The following SLC39A9 variants were observed in gnomAD, a reference collection of about 807,000 sequenced individuals.
SLC39A9 encodes solute carrier family 39 member 9.
A neutral mutation model predicts 28.4 loss-of-function variants in SLC39A9; 14 were observed. That is an observed-to-expected ratio of 0.49 (90% CI 0.33 to 0.77). The LOEUF (loss-of-function observed/expected upper bound fraction) is 0.77, where lower values mean the gene tolerates loss of function less well. Ranked by LOEUF, SLC39A9 falls within the 30% of genes least tolerant of loss-of-function variation. The pLI is 0.02. For synonymous variants in SLC39A9, 119 were observed against 149.6 expected, an observed-to-expected ratio of 0.80 and a Z score of 1.49; for missense variants, 283 against 381.1, an observed-to-expected ratio of 0.74 and a Z score of 2.14.
chr14:69,442,035 A>C (rs1012690035), intron 2 of SLC39A9, 34 bp from the exon 3 acceptor site: 2 of 1,593,286 alleles, frequency 1.3e-6, no homozygotes, highest in African/African-American at 2.7e-5. Flanking sequence ...TAGGGGAAAA[A>C]CATATTTTCT....
intron 1 of SLC39A9, among the ~76,000 whole-genome samples, chr14:69,403,879 A>G (rs764769698): frequency 3.9e-5 from 6 of 152,158 alleles, no homozygotes; most frequent in Non-Finnish European, 8.8e-5. Context: ...CCCTGTGTCT[A>G]CTGAAAATAC....
rs1351441340 is a variant in SLC39A9 at position 69,424,272 on chromosome 14, G to A, written c.205+70G>A. On this transcript the variant is annotated intron_variant, in intron 2 of 6. Transcript: ENST00000336643. ...AGGGTTAGCAGGATGAAGCTTAGTG[G>A]TATGTTTTCTGAGCACAGTTCATGT... 2.6e-6 allele frequency: 3 copies of A among 1,168,682 alleles called. No homozygotes were observed. In the African/African-American group the frequency reaches 4.5e-5, roughly 18 times the overall value. The allele number at this position is 1,168,682 out of a possible 1,614,324, so 72.4% of individuals were successfully genotyped here. A position where few individuals can be genotyped will look rare whatever the true frequency, so the allele number is the denominator to read the frequency against.
intron 6 of SLC39A9, 23 bp from the exon 7 acceptor site, chr14:69,458,339 CT>C (rs1885963424): frequency 1.2e-6 from 2 of 1,608,534 alleles, no homozygotes; most frequent in African/African-American, 2.7e-5. Flanking sequence ...TTAGTTTTTC[CT>C]CTTTCTCTCT....
chr14:69,453,613 A>G (rs1268785697), intron 4 of SLC39A9, among the ~76,000 whole-genome samples: 1 of 152,206 alleles, frequency 6.6e-6, no homozygotes, highest in Non-Finnish European at 1.5e-5. Context: ...AGCCTTGCCC[A>G]TGTATTTATG....
chr14:69,446,233 T>G (rs1018585856), intron 3 of SLC39A9, among the ~76,000 whole-genome samples: 5 of 151,452 alleles, frequency 3.3e-5, no homozygotes, highest in Non-Finnish European at 7.4e-5. Context: ...AGTATTGGAC[T>G]CGGGATTTCT....
chr14:69,444,830 G>T (rs1036809135), intron 3 of SLC39A9, among the ~76,000 whole-genome samples: 1 of 152,094 alleles, frequency 6.6e-6, no homozygotes, highest in South Asian at 2.1e-4. Flanking sequence ...CAGGCAGAGC[G>T]CAGTGGCTCA....
intron 1 of SLC39A9, among the ~76,000 whole-genome samples, chr14:69,410,649 G>A (rs1448804314): frequency 6.6e-6 from 1 of 152,222 alleles, no homozygotes; most frequent in Non-Finnish European, 1.5e-5. Flanking sequence ...AGCAGATAAT[G>A]TAGTGGCTAA....
At position 69,402,834 on chromosome 14, in the gene SLC39A9, C is replaced by T. The variant is rs553241086; in HGVS notation, c.96+3369C>T. ...AAGTGGCTCACGCCTGTAATCCCAG[C>T]ACTTTGGGAGGCTGAGGTGGGCGGA... On this transcript the variant is annotated intron_variant, in intron 1 of 6. Coordinates refer to ENST00000336643, the MANE Select transcript of SLC39A9 (RefSeq NM_018375.5). 3.3e-5 allele frequency among the ~76,000 whole-genome samples: 5 copies of T among 152,300 alleles called. No individual in the cohort carries two copies. In the South Asian group the frequency reaches 1.0e-3, roughly 32 times the overall value.
intron 4 of SLC39A9, 38 bp downstream of exon 4, chr14:69,453,347 T>C (rs1885705345): frequency 6.3e-7 from 1 of 1,579,584 alleles, no homozygotes; most frequent in Non-Finnish European, 8.7e-7. Flanking sequence ...TTGTTTTCTA[T>C]CGCACAGGGG....
At chr14:69,407,959 T>C (rs1032654195) in intron 1 of SLC39A9, among the ~76,000 whole-genome samples, 1 of 152,096 alleles carries the variant, frequency 6.6e-6, no homozygotes, top group East Asian at 1.9e-4. Context: ...GGTTCTCTCT[T>C]AGTCAATTCC....
chr14:69,417,441 G>A (rs1277293243), intron 1 of SLC39A9, among the ~76,000 whole-genome samples: 1 of 152,204 alleles, frequency 6.6e-6, no homozygotes, highest in Non-Finnish European at 1.5e-5. Context: ...GCTTAGGATT[G>A]TCTTGGCAAT....
At chr14:69,440,481 G>C (rs1320644781) in intron 2 of SLC39A9, among the ~76,000 whole-genome samples, 4 of 151,962 alleles carry the variant, frequency 2.6e-5, no homozygotes, top group African/African-American at 9.7e-5. Context: ...GATTCTTGGG[G>C]GACTGAGGTA....
At chr14:69,418,376 ATT>A (rs1305155596) in intron 1 of SLC39A9, among the ~76,000 whole-genome samples, 1 of 151,590 alleles carries the variant, frequency 6.6e-6, no homozygotes, top group Non-Finnish European at 1.5e-5. Context: ...CATCCTCAGT[ATT>A]TTACTGAGGA....
rs1886050831 is a variant in SLC39A9, at chr14:69,460,129, A to G, written c.*1536A>G. ...TATTATTAATTTATTTTTACTTTCTATACCATTTCAAAACACATTACACTA... is the reference window on the plus strand; with the variant it reads ...TATTATTAATTTATTTTTACTTTCTGTACCATTTCAAAACACATTACACTA... On this transcript the variant is annotated 3_prime_UTR_variant, in exon 7 of 7. Coordinates refer to ENST00000336643, the MANE Select transcript of SLC39A9 (RefSeq NM_018375.5). 1.0e-6 allele frequency: 1 copy of G among 983,882 alleles called. No individual in the cohort carries two copies. The highest frequency in any genetic ancestry group is 1.2e-6 in the Non-Finnish European group (1 of 828,182). The allele number at this position is 983,882 out of a possible 1,614,324, so 60.9% of individuals were successfully genotyped here.
At chr14:69,429,754 T>C (rs948440430) in intron 2 of SLC39A9, among the ~76,000 whole-genome samples, 1 of 152,206 alleles carries the variant, frequency 6.6e-6, no homozygotes, top group Non-Finnish European at 1.5e-5. Flanking sequence ...ATGACAAATA[T>C]ATGTTTAATT....
At chr14:69,444,044 A>G (rs113474386) in intron 3 of SLC39A9, among the ~76,000 whole-genome samples, 3,619 of 151,538 alleles carry the variant, frequency 0.024, 76 homozygotes, top group Non-Finnish European at 0.033. Context: ...AAATTACCCA[A>G]GCATGATGAG....
chr14:69,409,377 C>G (rs1883123326), intron 1 of SLC39A9, among the ~76,000 whole-genome samples: 1 of 152,060 alleles, frequency 6.6e-6, no homozygotes, highest in Non-Finnish European at 1.5e-5. Flanking sequence ...ACTTTCTTAC[C>G]CAGGCTAGAG....
At chr14:69,452,685 T>G (rs1206176563) in intron 3 of SLC39A9, among the ~76,000 whole-genome samples, 2 of 152,064 alleles carry the variant, frequency 1.3e-5, no homozygotes, top group Non-Finnish European at 2.9e-5. Context: ...TTAATTATAT[T>G]AGGGAAAAAT....
chr14:69,458,601 A>T lies in SLC39A9; in HGVS notation c.*8A>T, dbSNP rs1203536386. ...GTAGGACACCAGCATTAAATGTTCAAGGTCCAGCCTTGGTCCAGGGCCGTT... is the reference window on the plus strand; with the variant it reads ...GTAGGACACCAGCATTAAATGTTCATGGTCCAGCCTTGGTCCAGGGCCGTT... On this transcript the variant is annotated 3_prime_UTR_variant, in exon 7 of 7. Coordinates refer to ENST00000336643, the MANE Select transcript of SLC39A9 (RefSeq NM_018375.5). The T allele has an allele frequency of 6.2e-7, 1 of 1,602,342 alleles. No individual in the cohort carries two copies. The highest frequency in any genetic ancestry group is 1.7e-5 in the Admixed American group (1 of 58,580).
Sources: allele counts gnomAD v4.1 joint callset (sites outside exome capture counted in the v4.1 genomes callset), GRCh38; gene constraint gnomAD v4.1.1; transcripts MANE v1.5; gene names NCBI Gene and HGNC (gene_info 2026-07-23, HGNC 2026-07-21).